ZNF280D: variants seen among roughly 807,000 people sequenced by gnomAD.
ZNF280D encodes the protein zinc finger protein 280D, also known as suppressor of hairy wing homolog 4.
In ZNF280D, 39 loss-of-function variants were observed where a neutral mutation model predicts 94.7. That is an observed-to-expected ratio of 0.41 (90% CI 0.32 to 0.54). The LOEUF (loss-of-function observed/expected upper bound fraction) is 0.54, where lower values mean the gene tolerates loss of function less well. ZNF280D is among the 20% of genes least tolerant of loss of function. The pLI, the probability that ZNF280D is intolerant of heterozygous loss-of-function variation, is 0.22. For missense variants in ZNF280D, 1,090 were observed against 1,149.3 expected (o/e 0.95, Z 0.75); for synonymous variants, 398 against 377.6 (o/e 1.05, Z -0.63).
At chr15:56,647,482 C>A (rs564542498) in intron 19 of ZNF280D, among the ~76,000 whole-genome samples, 2 of 152,246 alleles carry the variant, frequency 1.3e-5, no homozygotes, top group African/African-American at 4.8e-5. Flanking sequence ...ACCACTCAGA[C>A]CTGCCTCTTG....
At chr15:56,701,296 T>A (rs1467817840) in intron 4 of ZNF280D, 58 bp from the exon 5 acceptor site, 1 of 1,168,768 alleles carries the variant, frequency 8.6e-7, no homozygotes, top group Admixed American at 2.4e-5. Flanking sequence ...CATATTAAGA[T>A]AATAGAAATC....
intron 13 of ZNF280D, among the ~76,000 whole-genome samples, chr15:56,675,299 T>A (rs1199143782): frequency 6.6e-6 from 1 of 152,008 alleles, no homozygotes; most frequent in Non-Finnish European, 1.5e-5. Context: ...AAAAACCCCA[T>A]CGTGAACTAG....
chr15:56,700,438 G>C (rs1205037483), intron 6 of ZNF280D: 2 of 805,140 alleles, frequency 2.5e-6, no homozygotes, highest in African/African-American at 3.7e-5. Flanking sequence ...ACAGCTCAAT[G>C]AATGTTAACT....
intron 16 of ZNF280D, among the ~76,000 whole-genome samples, chr15:56,665,630 A>G (rs1237402175): frequency 1.4e-5 from 2 of 145,934 alleles, no homozygotes; most frequent in African/African-American, 5.0e-5. Context: ...TGAAAATCTT[A>G]AAGTCTCTCA....
intron 1 of ZNF280D, among the ~76,000 whole-genome samples, chr15:56,724,266 C>T (rs1264038326): frequency 6.6e-6 from 1 of 152,160 alleles, no homozygotes; most frequent in Admixed American, 6.5e-5. Context: ...AAAGAGCCCC[C>T]AAATTAACAA....
chr15:56,694,528 A>T lies in ZNF280D; in HGVS notation c.382-1313T>A, dbSNP rs1424239032. ...CAAAGGACATAAACTGAGAGAATTC[A>T]GAAGTCAAATACTAATGAACAACAT... On this transcript the variant is annotated intron_variant, in intron 6 of 21. Transcript: ENST00000267807. Among the ~76,000 whole-genome samples, 4 of 152,218 alleles carry T rather than the reference A, an allele frequency of 2.6e-5. No homozygotes were observed. In the East Asian group the frequency reaches 7.7e-4, roughly 29 times the overall value.
At chr15:56,720,829 G>A (rs2058315865) in intron 1 of ZNF280D, among the ~76,000 whole-genome samples, 1 of 151,996 alleles carries the variant, frequency 6.6e-6, no homozygotes. Context: ...CTGAGCAGTA[G>A]GTTTCAATAA....
intron 20 of ZNF280D, among the ~76,000 whole-genome samples, chr15:56,641,513 A>G (rs549586800): frequency 6.6e-6 from 1 of 152,028 alleles, no homozygotes; most frequent in East Asian, 1.9e-4. Context: ...TAATGTAACT[A>G]TATGTGATTT....
intron 1 of ZNF280D, among the ~76,000 whole-genome samples, chr15:56,723,889 C>A (rs1362110318): frequency 6.6e-6 from 1 of 152,166 alleles, no homozygotes; most frequent in Non-Finnish European, 1.5e-5. Flanking sequence ...ACCTAACCTA[C>A]CGAACATCAC....
At chr15:56,715,767 T>C (rs941877141) in intron 1 of ZNF280D, among the ~76,000 whole-genome samples, 34 of 152,066 alleles carry the variant, frequency 2.2e-4, no homozygotes, top group African/African-American at 7.7e-4. Flanking sequence ...CTGCTGAAGA[T>C]GTACCAGAAG....
rs1476593124 is a variant in ZNF280D at position 56,635,244 on chromosome 15, C to T, written c.2266G>A (p.Ala756Thr). The change falls in exon 21 of 22, where the codon GCA (alanine) becomes ACA (threonine). Residue 756 changes from alanine (A) to threonine (T), a missense_variant. This residue lies in a region of ZNF280D where 577 missense variants were observed against 568.8 expected (regional missense o/e 1.01). Transcript: ENST00000267807. ...KEQEPVSKEI[A>T]RPNMAERETE... Reference sequence around the variant, plus strand: ...TCTCTTTCAGCCATGTTAGGTCTTGCAATTTCCTGAAATAATTAATAATAC... The same window carrying T: ...TCTCTTTCAGCCATGTTAGGTCTTGTAATTTCCTGAAATAATTAATAATAC... 5 of 1,521,292 alleles carry T rather than the reference C, an allele frequency of 3.3e-6. No homozygotes were observed. The highest frequency in any genetic ancestry group is 4.4e-6 in the Non-Finnish European group (5 of 1,134,728). The allele number at this position is 1,521,292 out of a possible 1,614,324, so 94.2% of individuals were successfully genotyped here.
intron 10 of ZNF280D, among the ~76,000 whole-genome samples, chr15:56,680,214 G>A (rs1156565490): frequency 2.0e-5 from 3 of 152,072 alleles, no homozygotes; most frequent in Non-Finnish European, 4.4e-5. Context: ...ATGAAATGTT[G>A]AGCTATCAAT....
chr15:56,699,772 C>T (rs1259192293), intron 6 of ZNF280D: 7 of 159,372 alleles, frequency 4.4e-5, no homozygotes, highest in South Asian at 2.0e-4. Context: ...ATGCACACTA[C>T]CCATGTCATC....
intron 1 of ZNF280D, among the ~76,000 whole-genome samples, chr15:56,714,267 A>G (rs2057921951): frequency 6.6e-6 from 1 of 152,224 alleles, no homozygotes; most frequent in Non-Finnish European, 1.5e-5. Context: ...AAAACACTGT[A>G]GACAAAATAC....
Position 56,701,203 on chromosome 15 carries a change from T to C in ZNF280D, c.211A>G (p.Arg71Gly), listed in dbSNP as rs745480570. 149 of 1,587,176 alleles carry C rather than the reference T, an allele frequency of 9.4e-5. No individual in the cohort carries two copies. The highest frequency in any genetic ancestry group is 2.6e-6 in the Non-Finnish European group (3 of 1,165,712). Residue 71 changes from arginine to glycine, a missense_variant, in exon 5 of 22, where the codon AGG becomes GGG. This residue lies in a region of ZNF280D where 386 missense variants were observed against 372.0 expected (regional missense o/e 1.04). Coordinates refer to ENST00000267807, the MANE Select transcript of ZNF280D (RefSeq NM_017661.4). Reference protein sequence around the residue: ...LNRVNPSSYSRGLKNGALSRG... With the variant: ...LNRVNPSSYSGGLKNGALSRG... ...CTGAGTGCACCATTCTTTAGTCCCC[T>C]TGAATATGAGCTGGGGTTAACTCTG...
intron 13 of ZNF280D, among the ~76,000 whole-genome samples, chr15:56,669,349 G>GTAAAATAAAT (rs2054516957): frequency 6.6e-6 from 1 of 151,940 alleles, no homozygotes; most frequent in African/African-American, 2.4e-5. Flanking sequence ...TGAAAAGTTG[G>GTAAAATAAAT]TAAAATAAAT....
At chr15:56,643,870 A>G in intron 19 of ZNF280D, among the ~76,000 whole-genome samples, 1 of 151,896 alleles carries the variant, frequency 6.6e-6, no homozygotes, top group Non-Finnish European at 1.5e-5. Context: ...ATAAGCAGCA[A>G]CTATATTATC....
chr15:56,690,085 T>C (rs561791129), intron 7 of ZNF280D, among the ~76,000 whole-genome samples: 11 of 152,286 alleles, frequency 7.2e-5, no homozygotes, highest in African/African-American at 2.6e-4. Context: ...CATTCATTTA[T>C]ATGAAAGGAC....
chr15:56,719,098 T>G (rs1268769921), intron 1 of ZNF280D, among the ~76,000 whole-genome samples: 3 of 152,056 alleles, frequency 2.0e-5, no homozygotes, highest in African/African-American at 7.2e-5. Flanking sequence ...GATCCCATAG[T>G]CTCAGCTATC....
Sources: allele counts gnomAD v4.1 joint callset (sites outside exome capture counted in the v4.1 genomes callset), GRCh38; gene constraint gnomAD v4.1.1; regional missense constraint gnomAD v4.1.1; transcripts MANE v1.5; gene names NCBI Gene and HGNC (gene_info 2026-07-23, HGNC 2026-07-21).